Variants in IQSEC1 observed in about 807,000 individuals in gnomAD.
The protein encoded by IQSEC1 is IQ motif and Sec7 domain ArfGEF 1, also known as IQ motif and SEC7 domain-containing protein 1.
In IQSEC1, 31 loss-of-function variants were observed where a neutral mutation model predicts 91.0. The observed-to-expected ratio is 0.34, with a 90% CI of 0.26 to 0.46. The LOEUF is 0.46. Ranked by LOEUF, IQSEC1 falls within the 20% of genes least tolerant of loss-of-function variation. IQSEC1 has a pLI of 1.00. For missense variants in IQSEC1, 1,388 were observed against 1,575.6 expected, an observed-to-expected ratio of 0.88 and a Z score of 2.02; for synonymous variants, 699 against 662.6, an observed-to-expected ratio of 1.05 and a Z score of -0.84.
Position 12,900,603 on chromosome 3 carries a change from G to GTATC in IQSEC1, c.*376_*379dup. The GTATC allele has an allele frequency of 1.9e-6, 2 of 1,047,530 alleles. No individual in the cohort carries two copies. The highest frequency in any genetic ancestry group is 7.5e-5 in the South Asian group (2 of 26,598). 64.9% of individuals were successfully genotyped at this position (1,047,530 alleles called of 1,614,324 possible). ...TTTGGGGTTTGTTTTGTCTGTTTTT[G>GTATC]TATCTCATTTCTTCGTTTTCTAGGT... is the stretch of plus-strand genomic sequence containing the variant. On this transcript the variant is annotated 3_prime_UTR_variant, in exon 14 of 14. Transcript: ENST00000613206.
At chr3:13,133,720 A>G (rs1023633052) in intron 2 of IQSEC1, among the ~76,000 whole-genome samples, 3 of 152,242 alleles carry the variant, frequency 2.0e-5, no homozygotes, top group African/African-American at 4.8e-5. Flanking sequence ...ACAGACAACT[A>G]TAAACTGCAA....
intron 1 of IQSEC1, among the ~76,000 whole-genome samples, chr3:13,263,427 T>TGG (rs74458928): frequency 1.9e-5 from 2 of 102,918 alleles, no homozygotes; most frequent in South Asian, 3.5e-4. Context: ...CTTTTTTTTT[T>TGG]GGGGGGGGGG....
At chr3:13,216,965 T>G (rs1694562143) in intron 1 of IQSEC1, among the ~76,000 whole-genome samples, 1 of 152,142 alleles carries the variant, frequency 6.6e-6, no homozygotes, top group Admixed American at 6.6e-5. Flanking sequence ...GTGAACACAC[T>G]GCAAAACTTA....
At position 12,994,137 on chromosome 3, in the gene IQSEC1, C is replaced by G. The variant is rs1333796594; in HGVS notation, c.24-52272G>C. Among the ~76,000 whole-genome samples the G allele has an allele frequency of 1.4e-5, 2 of 146,406 alleles. No homozygotes were observed. Among genetic ancestry groups the G allele is most frequent in the East Asian group, 3.9e-4 (2 of 5,066 alleles). ...CGCCGTCCCCGCGGCCGGCGCGGCC[C>G]CAGAGCGTCCGGTGGCCGGGCGCGG... On this transcript the variant is annotated intron_variant, in intron 1 of 13. Coordinates refer to ENST00000613206, the MANE Select transcript of IQSEC1 (RefSeq NM_001134382.3). This position sits in a 1 kb window ranked among gnomAD's most constrained non-coding sequence, Gnocchi z 4.5.
chr3:13,279,674 C>T lies in IQSEC1; in HGVS notation c.272+3037G>A, dbSNP rs562106785. Among the ~76,000 whole-genome samples the T allele has an allele frequency of 1.1e-3, 175 of 152,316 alleles. 4 individuals are homozygous for T. Among genetic ancestry groups the T allele is most frequent in the African/African-American group, 3.8e-3 (158 of 41,566 alleles). On this transcript the variant is annotated intron_variant, in intron 1 of 15. Transcript: ENST00000648114. ...TGGCGGGCTGGGGGCTCCTGACTCACGCCAGAGAATCTGGAGGCTGAGTAG... is the reference window on the plus strand; with the variant it reads ...TGGCGGGCTGGGGGCTCCTGACTCATGCCAGAGAATCTGGAGGCTGAGTAG...
At chr3:12,950,627 T>C (rs867544301) in intron 1 of IQSEC1, among the ~76,000 whole-genome samples, 3 of 150,380 alleles carry the variant, frequency 2.0e-5, no homozygotes, top group Non-Finnish European at 4.4e-5. Context: ...GATAACATAA[T>C]GAGACTCCAT....
At chr3:13,048,569 G>A (rs1384041198) in intron 1 of IQSEC1, among the ~76,000 whole-genome samples, 1 of 152,218 alleles carries the variant, frequency 6.6e-6, no homozygotes, top group African/African-American at 2.4e-5. Context: ...TTGACATTCT[G>A]GGCCCAAGCT....
chr3:13,142,191 T>G (rs923134316), intron 2 of IQSEC1, among the ~76,000 whole-genome samples: 1 of 152,212 alleles, frequency 6.6e-6, no homozygotes, highest in Non-Finnish European at 1.5e-5. Flanking sequence ...TCTAAGACCA[T>G]GCTACAGTAT....
chr3:13,194,685 A>G (rs1694095781), intron 1 of IQSEC1, among the ~76,000 whole-genome samples: 1 of 152,078 alleles, frequency 6.6e-6, no homozygotes, highest in Non-Finnish European at 1.5e-5. Flanking sequence ...TATTTTCCAA[A>G]GACTGAGAGG....
chr3:13,236,906 T>A (rs357120), intron 1 of IQSEC1, among the ~76,000 whole-genome samples: 5,250 of 152,130 alleles, frequency 0.035, 273 homozygotes, highest in African/African-American at 0.11. Flanking sequence ...AATGCCCCCC[T>A]CCAGCCAGGT....
At chr3:12,938,640 G>A (rs935890098) in intron 2 of IQSEC1, among the ~76,000 whole-genome samples, 9 of 152,110 alleles carry the variant, frequency 5.9e-5, no homozygotes, top group South Asian at 2.1e-4. Context: ...AGCCCCTGGG[G>A]CCCATAAGAG....
At chr3:12,981,457 G>C (rs949141143) in intron 1 of IQSEC1, among the ~76,000 whole-genome samples, 7 of 152,048 alleles carry the variant, frequency 4.6e-5, no homozygotes, top group East Asian at 3.8e-4. Context: ...AGACATCTCT[G>C]GGGGGGAGAA....
intron 1 of IQSEC1, among the ~76,000 whole-genome samples, chr3:13,250,237 T>C (rs2882190): frequency 1.3e-5 from 2 of 151,886 alleles, no homozygotes; most frequent in African/African-American, 4.8e-5. Flanking sequence ...AACCTCCAGG[T>C]GCGGTGGGAG....
chr3:13,014,796 A>G (rs186534256), intron 1 of IQSEC1, among the ~76,000 whole-genome samples: 1 of 152,258 alleles, frequency 6.6e-6, no homozygotes, highest in African/African-American at 2.4e-5. Context: ...ACATCCCCCA[A>G]CACGCTCCCA....
intron 2 of IQSEC1, among the ~76,000 whole-genome samples, chr3:13,112,319 C>G (rs1442071013): frequency 6.6e-6 from 1 of 152,242 alleles, no homozygotes; most frequent in African/African-American, 2.4e-5. Context: ...CCAGCCCAGC[C>G]AAACCAGCTG....
intron 3 of IQSEC1, among the ~76,000 whole-genome samples, chr3:12,934,825 C>T (rs918560830): frequency 2.0e-5 from 3 of 152,130 alleles, no homozygotes; most frequent in East Asian, 1.9e-4. Context: ...AGCAGCTACT[C>T]CATGAACCCA....
intron 1 of IQSEC1, among the ~76,000 whole-genome samples, chr3:13,164,500 T>A (rs1470656269): frequency 6.6e-6 from 1 of 152,114 alleles, no homozygotes; most frequent in Non-Finnish European, 1.5e-5. Context: ...AATGAATGAA[T>A]GAGTGAATGA....
intron 12 of IQSEC1, among the ~76,000 whole-genome samples, chr3:12,904,903 G>A (rs1391072226): frequency 6.6e-6 from 1 of 152,186 alleles, no homozygotes; most frequent in Non-Finnish European, 1.5e-5. Context: ...TCCTTACCCT[G>A]CCCAACTTGG....
In IQSEC1 at chr3:12,899,912, G is replaced by T. The variant is rs986058727; in HGVS notation, c.*1071C>A. On this transcript the variant is annotated 3_prime_UTR_variant, in exon 14 of 14. Coordinates refer to ENST00000613206, the MANE Select transcript of IQSEC1 (RefSeq NM_001134382.3). ...AGATGAACACTTCTGCCGTGTATGG[G>T]TGCCCCTCTCGGAGGACTCTGAATG... 2.0e-6 allele frequency: 2 copies of T among 985,150 alleles called. No homozygotes were observed. The highest frequency in any genetic ancestry group is 1.7e-5 in the African/African-American group (1 of 57,168). 61.0% of individuals were successfully genotyped at this position (985,150 alleles called of 1,614,324 possible). A position where few individuals can be genotyped will look rare whatever the true frequency, so the allele number is the denominator to read the frequency against.
Sources: gnomAD v4.1 joint callset for allele counts (sites outside exome capture counted in the v4.1 genomes callset) on GRCh38, gnomAD v4.1.1 for gene constraint, Gnocchi (gnomAD v3.1) non-coding constraint, MANE v1.5 for transcripts, NCBI Gene and HGNC (gene_info 2026-07-23, HGNC 2026-07-21) for gene names.